MAGI1: variants seen among roughly 807,000 people sequenced by gnomAD.
MAGI1 encodes the protein membrane associated guanylate kinase, WW and PDZ domain containing 1, also known as membrane-associated guanylate kinase, WW and PDZ domain-containing protein 1.
MAGI1 carries 58 observed loss-of-function variants against 139.9 expected under a neutral mutation model. That is an observed-to-expected ratio of 0.41 (90% CI 0.34 to 0.52). MAGI1 has a LOEUF of 0.52. Among genes scored for constraint, MAGI1 ranks in the 20% least tolerant of loss-of-function variants. The pLI is 0.12. For missense variants in MAGI1, 1,874 were observed against 1,901.6 expected (o/e 0.99, Z 0.27); for synonymous variants, 812 against 737.9 (o/e 1.10, Z -1.63).
rs4688561 is a variant in MAGI1 at position 65,407,117 on chromosome 3, A to G, written c.2168-5647T>C. On this transcript the variant is annotated intron_variant, in intron 12 of 22. Transcript: ENST00000402939. Reference sequence around the variant, plus strand: ...ATCAGTCTTGCAAAAATTCCTATAAAAAGATGGTCGACACAGCACTATTTT... The same window carrying G: ...ATCAGTCTTGCAAAAATTCCTATAAGAAGATGGTCGACACAGCACTATTTT... Among the ~76,000 whole-genome samples the G allele has an allele frequency of 9.3e-3, 1,421 of 152,264 alleles. 22 individuals are homozygous for G. Among genetic ancestry groups the G allele is most frequent in the Admixed American group, 0.037 (560 of 15,270 alleles).
rs1170467149 is a variant in MAGI1, at chr3:65,478,662, T to A, written c.687A>T (p.Gln229His). 9 of 1,614,112 alleles carry A rather than the reference T, an allele frequency of 5.6e-6. No homozygotes were observed. The highest frequency in any genetic ancestry group is 7.6e-6 in the Non-Finnish European group (9 of 1,179,996). The change falls in exon 4 of 23, where the codon CAA becomes CAT. Residue 229 changes from glutamine to histidine, a missense_variant. By Grantham distance (24) the Gln-to-His change is conservative. Coordinates refer to ENST00000402939, the MANE Select transcript of MAGI1 (RefSeq NM_001033057.2). ...TCTCCGCGTGGACTATGCCAGCATT[T>A]TGCATATCATTGTAGGACTTGGTTC... ...PKRTKSYNDM[Q>H]NAGIVHAENE...
At chr3:65,682,109 A>G (rs1392484563) in intron 1 of MAGI1, among the ~76,000 whole-genome samples, 1 of 152,214 alleles carries the variant, frequency 6.6e-6, no homozygotes, top group African/African-American at 2.4e-5. Context: ...AATTCCCTGG[A>G]AAAGGGGAAT....
At position 65,976,733 on chromosome 3, in the gene MAGI1, C is replaced by T. The variant is rs1175107208; in HGVS notation, c.313+61263G>A. 2.6e-4 allele frequency among the ~76,000 whole-genome samples: 40 copies of T among 152,140 alleles called. 1 individual carries two copies. The highest frequency in any genetic ancestry group is 2.6e-3 in the Admixed American group (40 of 15,268). ...AATTACCCTCACGTTTGACTTTGAA[C>T]CAAACTCAATTACATACAAGAATTA... is the stretch of plus-strand genomic sequence containing the variant. On this transcript the variant is annotated intron_variant, in intron 1 of 22. Transcript: ENST00000402939.
At chr3:65,987,567 T>C (rs1267791322) in intron 1 of MAGI1, among the ~76,000 whole-genome samples, 1 of 152,132 alleles carries the variant, frequency 6.6e-6, no homozygotes, top group Non-Finnish European at 1.5e-5. Context: ...TGCAATACTT[T>C]CACTTCTTCC....
At chr3:66,009,613 C>A (rs2067218076) in intron 1 of MAGI1, among the ~76,000 whole-genome samples, 1 of 152,138 alleles carries the variant, frequency 6.6e-6, no homozygotes. Context: ...CCTAACGATA[C>A]CTACATAATA....
At chr3:65,388,901 G>A (rs1943670165) in intron 14 of MAGI1, among the ~76,000 whole-genome samples, 1 of 131,800 alleles carries the variant, frequency 7.6e-6, no homozygotes, top group South Asian at 2.5e-4. Flanking sequence ...GAGTGCAAGT[G>A]GCATGATCTC....
rs145355144 is a variant in MAGI1, at chr3:65,466,383, G to A, written c.959+3900C>T. Among the ~76,000 whole-genome samples, 35 of 152,158 alleles carry A rather than the reference G, an allele frequency of 2.3e-4. No homozygotes were observed. The East Asian group carries it at 6.0e-3, about 26-fold the overall frequency. On this transcript the variant is annotated intron_variant, in intron 5 of 22. Transcript: ENST00000402939. The stretch of plus-strand genomic sequence containing the variant: ...ACCTTCTATGGGCTTTTCCTAATAT[G>A]GCCGAAAAGAGGAAAGGGGGCTATC...
intron 13 of MAGI1, among the ~76,000 whole-genome samples, chr3:65,398,048 G>C (rs1408811551): frequency 6.6e-6 from 1 of 152,026 alleles, no homozygotes; most frequent in Non-Finnish European, 1.5e-5. Flanking sequence ...TCAATACACG[G>C]TTTGTTTGCA....
intron 1 of MAGI1, among the ~76,000 whole-genome samples, chr3:65,733,587 G>T (rs151292939): frequency 1.7e-3 from 259 of 152,288 alleles, no homozygotes; most frequent in Middle Eastern, 0.017. Context: ...CTCACACAAT[G>T]AGAGTCATCC....
chr3:65,523,555 C>T (rs1181267823), intron 2 of MAGI1, among the ~76,000 whole-genome samples: 1 of 152,162 alleles, frequency 6.6e-6, no homozygotes, highest in Non-Finnish European at 1.5e-5. Flanking sequence ...TGACTGGAGG[C>T]TGTTCTCCCA....
intron 1 of MAGI1, among the ~76,000 whole-genome samples, chr3:65,665,783 G>C (rs553247824): frequency 6.6e-6 from 1 of 152,160 alleles, no homozygotes; most frequent in African/African-American, 2.4e-5. Context: ...CAACAGCGGG[G>C]CCCAGAAATC....
At chr3:65,597,964 G>A in intron 2 of MAGI1, 1 of 453,176 alleles carries the variant, frequency 2.2e-6, no homozygotes, top group Non-Finnish European at 4.4e-6. Context: ...TGGGAGAGCT[G>A]GGGGCGCCTC....
chr3:65,527,167 G>A (rs2078424826), intron 2 of MAGI1, among the ~76,000 whole-genome samples: 1 of 152,168 alleles, frequency 6.6e-6, no homozygotes, highest in African/African-American at 2.4e-5. Context: ...TCACACCAGT[G>A]GCTCCTTTTA....
chr3:65,635,880 T>A (rs571793895), intron 1 of MAGI1, among the ~76,000 whole-genome samples: 17 of 152,242 alleles, frequency 1.1e-4, no homozygotes, highest in African/African-American at 3.9e-4. Context: ...CTGACCTACA[T>A]TGGGAAATCT....
At chr3:65,914,791 C>CA (rs2061823319) in intron 1 of MAGI1, among the ~76,000 whole-genome samples, 1 of 152,158 alleles carries the variant, frequency 6.6e-6, no homozygotes, top group African/African-American at 2.4e-5. Context: ...TGTACATATA[C>CA]AAAGGGTTTC....
chr3:65,427,929 G>C (rs1947175398), intron 12 of MAGI1, among the ~76,000 whole-genome samples: 1 of 152,166 alleles, frequency 6.6e-6, no homozygotes, highest in Admixed American at 6.5e-5. Flanking sequence ...TCTCTGAGCA[G>C]TCAAGTGATC....
At chr3:65,694,628 G>T (rs114612987) in intron 1 of MAGI1, among the ~76,000 whole-genome samples, 1 of 152,096 alleles carries the variant, frequency 6.6e-6, no homozygotes, top group Non-Finnish European at 1.5e-5. Flanking sequence ...CTAAGCCTTC[G>T]GCTCATTCCC....
chr3:66,032,409 A>T (rs2068664408), intron 1 of MAGI1, among the ~76,000 whole-genome samples: 1 of 137,220 alleles, frequency 7.3e-6, no homozygotes. Flanking sequence ...TTTAGTAGAG[A>T]CAGGGTTTCA....
intron 2 of MAGI1, among the ~76,000 whole-genome samples, chr3:65,568,282 A>C (rs1299156951): frequency 6.6e-6 from 1 of 152,204 alleles, no homozygotes; most frequent in Non-Finnish European, 1.5e-5. Flanking sequence ...CATGGCAATA[A>C]AAATAAAATA....
Sources: gnomAD v4.1 joint callset for allele counts (sites outside exome capture counted in the v4.1 genomes callset) on GRCh38, gnomAD v4.1.1 for gene constraint, MANE v1.5 for transcripts, NCBI Gene and HGNC (gene_info 2026-07-23, HGNC 2026-07-21) for gene names.